SIDT1: variants seen among roughly 807,000 people sequenced by gnomAD.
The protein encoded by SIDT1 is SID1 transmembrane family, member 1.
Under a neutral mutation model 107.5 loss-of-function variants are expected in SIDT1, and 101 were observed. That is an observed-to-expected ratio of 0.94 (90% CI 0.80 to 1.11). SIDT1 has a LOEUF of 1.11. SIDT1 is among the 50% of genes least tolerant of loss of function. The pLI, the probability that SIDT1 is intolerant of heterozygous loss-of-function variation, is 0.00. For missense variants in SIDT1, 1,076 were observed against 1,058.2 expected (o/e 1.02, Z -0.23); for synonymous variants, 395 against 398.2 (o/e 0.99, Z 0.10).
In SIDT1 at chr3:113,533,013, G is replaced by GT. The variant is rs1169203652; in HGVS notation, c.-8dup. On this transcript the variant is annotated 5_prime_UTR_variant, in exon 1 of 25. Transcript: ENST00000264852. ...GGCTCCGCTTTCGAGCCCGGGCGCG[G>GT]TGCCCACCATGCGCGGCTGCCTGCG... 7 of 1,357,038 alleles carry GT rather than the reference G, an allele frequency of 5.2e-6. No homozygotes were observed. The highest frequency in any genetic ancestry group is 6.6e-6 in the Non-Finnish European group (7 of 1,058,884). 84.1% of individuals were successfully genotyped at this position (1,357,038 alleles called of 1,614,324 possible).
Position 113,593,067 on chromosome 3 carries a change from T to C in SIDT1, c.1045+19T>C. The stretch of plus-strand genomic sequence containing the variant: ...AATGATGGTAAGAGCAATGCTTGGT[T>C]TCAATTCAAAATGGTGTCGCATAGT... On this transcript the variant is annotated intron_variant, in intron 10 of 24. Transcript: ENST00000264852. 1.2e-6 allele frequency: 2 copies of C among 1,606,938 alleles called. No homozygotes were observed. The highest frequency in any genetic ancestry group is 1.7e-4 in the Middle Eastern group (1 of 6,050).
intron 23 of SIDT1, among the ~76,000 whole-genome samples, chr3:113,625,156 G>A (rs930876164): frequency 6.6e-6 from 1 of 151,150 alleles, no homozygotes; most frequent in African/African-American, 2.4e-5. Context: ...GGGGGCGGGG[G>A]GACGGGGTCT....
intron 4 of SIDT1, 56 bp from the exon 5 acceptor site, chr3:113,580,552 G>A: frequency 8.8e-7 from 1 of 1,134,458 alleles, no homozygotes; most frequent in Non-Finnish European, 1.3e-6. Flanking sequence ...TAATAGTAGA[G>A]GAAACAATCC....
intron 4 of SIDT1, among the ~76,000 whole-genome samples, chr3:113,578,096 A>G (rs1943045711): frequency 1.3e-5 from 2 of 152,242 alleles, no homozygotes; most frequent in Non-Finnish European, 2.9e-5. Flanking sequence ...ACTGCCCTCA[A>G]TATTTATTGA....
chr3:113,631,587 C>A (rs1466822409), downstream of SIDT1, among the ~76,000 whole-genome samples: 1 of 152,098 alleles, frequency 6.6e-6, no homozygotes, highest in Non-Finnish European at 1.5e-5. Context: ...TACGAAGGCA[C>A]CTTTGTTAAC....
At chr3:113,626,009 T>A in intron 23 of SIDT1, 93 bp from the exon 24 acceptor site, 1 of 842,068 alleles carries the variant, frequency 1.2e-6, no homozygotes, top group Non-Finnish European at 2.1e-6. Flanking sequence ...GAACCAGACA[T>A]CTAGTAGCGT....
chr3:113,532,883 G>A lies in SIDT1; in HGVS notation c.-139G>A, dbSNP rs536062053. ...CTTCGTCAGCACGCTGCCAGCCCTG[G>A]CCGGCTGGGTTCGCCAGGCATCACC... On this transcript the variant is annotated 5_prime_UTR_variant, in exon 1 of 25. Transcript: ENST00000264852. 1.3e-4 allele frequency: 64 copies of A among 511,542 alleles called. No individual in the cohort carries two copies. In the East Asian group the frequency reaches 1.9e-3, roughly 15 times the overall value. 31.7% of individuals were successfully genotyped at this position (511,542 alleles called of 1,614,324 possible).
chr3:113,624,715 G>A (rs1472923747), intron 23 of SIDT1, among the ~76,000 whole-genome samples: 3 of 151,480 alleles, frequency 2.0e-5, no homozygotes, highest in Non-Finnish European at 2.9e-5. Context: ...CTGGACTCTG[G>A]TAACCACCAA....
chr3:113,609,883 C>T (rs144148927), intron 17 of SIDT1, among the ~76,000 whole-genome samples: 67 of 152,274 alleles, frequency 4.4e-4, no homozygotes, highest in African/African-American at 1.4e-3. Flanking sequence ...CCTGTTTTGA[C>T]GCACTTTCAA....
intron 1 of SIDT1, among the ~76,000 whole-genome samples, chr3:113,540,034 A>G (rs1446071151): frequency 2.0e-5 from 3 of 151,954 alleles, no homozygotes. Context: ...TGCTGGCTGA[A>G]AAGTATTGTG....
chr3:113,619,217 T>C (rs558750347), intron 20 of SIDT1, among the ~76,000 whole-genome samples: 1 of 152,342 alleles, frequency 6.6e-6, no homozygotes, highest in South Asian at 2.1e-4. Flanking sequence ...CAGGACCACC[T>C]TGAAACCAGA....
At chr3:113,568,601 A>AAAAAGAAAAGAAAAGAAAAGAAAAG (rs202138300) in intron 3 of SIDT1, among the ~76,000 whole-genome samples, 1 of 144,382 alleles carries the variant, frequency 6.9e-6, no homozygotes, top group East Asian at 2.1e-4. Flanking sequence ...CTCAAAAAAA[A>AAAAAGAAAAGAAAAGAAAAGAAAAG]AAAAGAAAAG....
Position 113,584,648 on chromosome 3 carries a change from C to T in SIDT1, c.836-50C>T. The T allele has an allele frequency of 2.3e-6, 3 of 1,329,578 alleles. No homozygotes were observed. In the South Asian group the frequency reaches 3.8e-5, roughly 17 times the overall value. The allele number at this position is 1,329,578 out of a possible 1,614,324, so 82.4% of individuals were successfully genotyped here. ...GTTCAGACAAGAGACCAAAAAAAAT[C>T]ATTATCTGATTCAATGTGCTTTGTT... is the stretch of plus-strand genomic sequence containing the variant. On this transcript the variant is annotated intron_variant, in intron 7 of 24. Transcript: ENST00000264852.
intron 10 of SIDT1, among the ~76,000 whole-genome samples, chr3:113,597,901 T>G (rs549410213): frequency 6.6e-6 from 1 of 152,366 alleles, no homozygotes; most frequent in East Asian, 1.9e-4. Context: ...ACTATACAGT[T>G]AAATATAGAT....
chr3:113,548,688 C>T lies in SIDT1; in HGVS notation c.222+15445C>T, dbSNP rs575857630. ...TCTCATCATCAAGGGTGGGAAGTTG[C>T]GAAAGAAGGTCCTCTGTACAAATGT... On this transcript the variant is annotated intron_variant, in intron 1 of 24. Transcript: ENST00000264852. Among the ~76,000 whole-genome samples the T allele has an allele frequency of 2.6e-5, 4 of 152,190 alleles. No individual in the cohort carries two copies. In the South Asian group the frequency reaches 6.2e-4, roughly 24 times the overall value.
chr3:113,596,294 G>A (rs1453802206), intron 10 of SIDT1, among the ~76,000 whole-genome samples: 1 of 152,206 alleles, frequency 6.6e-6, no homozygotes, highest in Non-Finnish European at 1.5e-5. Context: ...CCAAATTGGT[G>A]GCAGCTCTGT....
chr3:113,599,465 A>G (rs1223385349), intron 10 of SIDT1, among the ~76,000 whole-genome samples: 3 of 152,248 alleles, frequency 2.0e-5, no homozygotes, highest in Non-Finnish European at 4.4e-5. Flanking sequence ...TTTACTACCA[A>G]TTGTTCTTGT....
chr3:113,601,088 T>C (rs371611877), intron 10 of SIDT1, among the ~76,000 whole-genome samples: 41 of 152,336 alleles, frequency 2.7e-4, no homozygotes, highest in African/African-American at 9.1e-4. Context: ...GCCATTGCAT[T>C]AGTCCTTATA....
intron 1 of SIDT1, among the ~76,000 whole-genome samples, chr3:113,544,838 G>C (rs1279686861): frequency 6.6e-6 from 1 of 152,104 alleles, no homozygotes; most frequent in Non-Finnish European, 1.5e-5. Flanking sequence ...TGTGGGCCAG[G>C]TGCGGCGGCT....
Sources: allele counts gnomAD v4.1 joint callset (sites outside exome capture counted in the v4.1 genomes callset), GRCh38; gene constraint gnomAD v4.1.1; transcripts MANE v1.5; gene names NCBI Gene and HGNC (gene_info 2026-07-23, HGNC 2026-07-21).